SNX30: variants seen among roughly 807,000 people sequenced by gnomAD.
The protein encoded by SNX30 is sorting nexin-30.
SNX30 carries 24 observed loss-of-function variants against 46.4 expected under a neutral mutation model. That is an observed-to-expected ratio of 0.52 (90% CI 0.37 to 0.73). The LOEUF (loss-of-function observed/expected upper bound fraction) is 0.73, where lower values mean the gene tolerates loss of function less well. Ranked by LOEUF, SNX30 falls within the 30% of genes least tolerant of loss-of-function variation. SNX30 has a pLI of 0.00. For synonymous variants in SNX30, 189 were observed against 211.5 expected (o/e 0.89, Z 0.92); for missense variants, 533 against 555.7 (o/e 0.96, Z 0.41).
intron 8 of SNX30, among the ~76,000 whole-genome samples, chr9:112,864,903 T>C (rs1362934539): frequency 6.6e-6 from 1 of 152,124 alleles, no homozygotes; most frequent in Non-Finnish European, 1.5e-5. Context: ...TAAAGGGATG[T>C]AGGATTACAA....
At chr9:112,760,723 GT>G (rs1460062323) in intron 1 of SNX30, among the ~76,000 whole-genome samples, 1 of 152,172 alleles carries the variant, frequency 6.6e-6, no homozygotes, top group Non-Finnish European at 1.5e-5. Flanking sequence ...TTTCAATTTG[GT>G]TTGCCACTTG....
intron 4 of SNX30, 105 bp from the exon 5 acceptor site, chr9:112,836,109 C>G: frequency 2.7e-6 from 3 of 1,111,302 alleles, no homozygotes. Flanking sequence ...CCTTGTTTCC[C>G]GAGTTCTCCA....
At chr9:112,825,305 GT>G (rs895011998) in intron 3 of SNX30, among the ~76,000 whole-genome samples, 10 of 151,988 alleles carry the variant, frequency 6.6e-5, no homozygotes, top group African/African-American at 2.4e-4. Flanking sequence ...CAAATGACTT[GT>G]TTTTTTGAGA....
At chr9:112,817,663 C>G (rs769262772) in intron 2 of SNX30, 42 bp from the exon 3 acceptor site, 20 of 1,161,520 alleles carry the variant, frequency 1.7e-5, no homozygotes, top group Non-Finnish European at 2.6e-5. Context: ...CCAAGATATG[C>G]TATTCCCTTA....
intron 1 of SNX30, among the ~76,000 whole-genome samples, chr9:112,758,311 T>A (rs535817926): frequency 6.6e-6 from 1 of 152,150 alleles, no homozygotes; most frequent in East Asian, 1.9e-4. Context: ...CATCAATATT[T>A]AAACATGCTC....
chr9:112,751,382 C>T (rs1176647334), intron 1 of SNX30, among the ~76,000 whole-genome samples: 1 of 152,194 alleles, frequency 6.6e-6, no homozygotes, highest in South Asian at 2.1e-4. Flanking sequence ...TGGTCGCAAG[C>T]ACCGGTGACA....
At chr9:112,879,652 C>T (rs929545792), downstream of SNX30, 16 of 983,316 alleles carry the variant, frequency 1.6e-5, no homozygotes, top group Admixed American at 2.9e-4. Flanking sequence ...GGCTGGAACG[C>T]AGGTTTCTTA....
chr9:112,760,144 C>T (rs1009389482), intron 1 of SNX30, among the ~76,000 whole-genome samples: 4 of 152,098 alleles, frequency 2.6e-5, no homozygotes, highest in African/African-American at 9.7e-5. Context: ...TAAATTGACC[C>T]AGAGAGTAGC....
rs948028637 is a variant in SNX30 at position 112,864,357 on chromosome 9, A to G, written c.1212A>G (p.Leu404=). 4 of 1,614,194 alleles carry G rather than the reference A, an allele frequency of 2.5e-6. No homozygotes were observed. The highest frequency in any genetic ancestry group is 3.4e-6 in the Non-Finnish European group (4 of 1,180,024). ...ACAAGAGGCAGGACTTCCGGCAGCT[A>G]CTCATGGGGATGGCTGACAAGAACA... ...QNNKRQDFRQ[L]LMGMADKNIQ... Residue 404 remains leucine (L), a synonymous_variant, in exon 8 of 9, where the codon CTA becomes CTG. Coordinates refer to ENST00000374232, the MANE Select transcript of SNX30 (RefSeq NM_001012994.2).
rs1839263129 is a variant in SNX30 at position 112,750,927 on chromosome 9, C to CCGGGGTGCT, written c.-69_-61dup. 20 of 1,156,044 alleles carry CCGGGGTGCT rather than the reference C, an allele frequency of 1.7e-5. No individual in the cohort carries two copies. Among genetic ancestry groups the CCGGGGTGCT allele is most frequent in the Non-Finnish European group, 2.1e-5 (20 of 939,528 alleles). 71.6% of individuals were successfully genotyped at this position (1,156,044 alleles called of 1,614,324 possible). A position where few individuals can be genotyped will look rare whatever the true frequency, so the allele number is the denominator to read the frequency against. On this transcript the variant is annotated 5_prime_UTR_variant, in exon 1 of 9. Transcript: ENST00000374232. ...AAGCGGCGGCCGAGCGGGGCTCGGCCCGGGGTGCTCGGGGAGCTCGCCGCG... is the reference window on the plus strand; with the variant it reads ...AAGCGGCGGCCGAGCGGGGCTCGGCCCGGGGTGCTCGGGGTGCTCGGGGAGCTCGCCGCG...
chr9:112,769,798 C>T (rs1839616407), intron 1 of SNX30, among the ~76,000 whole-genome samples: 1 of 152,184 alleles, frequency 6.6e-6, no homozygotes, highest in South Asian at 2.1e-4. Flanking sequence ...AAATTCCTGT[C>T]TCCCACTGCC....
At chr9:112,883,582 T>C (rs1416864905), downstream of SNX30, among the ~76,000 whole-genome samples, 6 of 152,040 alleles carry the variant, frequency 3.9e-5, no homozygotes, top group Non-Finnish European at 8.8e-5. Flanking sequence ...TTTGCTGTTA[T>C]TATCATTAAA....
At chr9:112,755,540 G>A (rs1425274248) in intron 1 of SNX30, among the ~76,000 whole-genome samples, 1 of 151,842 alleles carries the variant, frequency 6.6e-6, no homozygotes. Context: ...AGCAGGAGGG[G>A]GGCATAGTTT....
At chr9:112,786,092 GCTGTACTAACATGTAGGAGCTGTCCT>G (rs1204829925) in intron 1 of SNX30, among the ~76,000 whole-genome samples, 1 of 150,294 alleles carries the variant, frequency 6.7e-6, no homozygotes, top group East Asian at 2.0e-4. Context: ...TGTAGTTGCT[GCTGTACTAACATGTAGGAGCTGTCCT>G]TTTTTTTTTT....
At chr9:112,884,141 G>A (rs1841617385), downstream of SNX30, among the ~76,000 whole-genome samples, 1 of 152,238 alleles carries the variant, frequency 6.6e-6, no homozygotes, top group South Asian at 2.1e-4. Flanking sequence ...GAGAGGGCAA[G>A]TTCTTACGGT....
chr9:112,797,981 TA>T (rs1840138179), intron 1 of SNX30, among the ~76,000 whole-genome samples: 1 of 150,824 alleles, frequency 6.6e-6, no homozygotes, highest in South Asian at 2.1e-4. Flanking sequence ...CAAAGTGCTG[TA>T]ATTACAGGCG....
intron 1 of SNX30, among the ~76,000 whole-genome samples, chr9:112,783,021 G>A (rs754472429): frequency 1.3e-5 from 2 of 152,216 alleles, no homozygotes; most frequent in African/African-American, 4.8e-5. Flanking sequence ...CCCTTGAGAA[G>A]AGAAGTGGCT....
chr9:112,754,406 CTTTT>C (rs755479504), intron 1 of SNX30, among the ~76,000 whole-genome samples: 1 of 113,038 alleles, frequency 8.8e-6, no homozygotes, highest in African/African-American at 3.7e-5. Flanking sequence ...CTCACTGGGC[CTTTT>C]TTTTTTTTTT....
At chr9:112,794,387 G>A (rs1840074815) in intron 1 of SNX30, among the ~76,000 whole-genome samples, 1 of 152,078 alleles carries the variant, frequency 6.6e-6, no homozygotes, top group Non-Finnish European at 1.5e-5. Context: ...TCCTGACCTC[G>A]TGATCCACCC....
Sources: allele counts gnomAD v4.1 joint callset (sites outside exome capture counted in the v4.1 genomes callset), GRCh38; gene constraint gnomAD v4.1.1; transcripts MANE v1.5; gene names NCBI Gene and HGNC (gene_info 2026-07-23, HGNC 2026-07-21).